Variants in SLC2A13 observed in about 807,000 individuals in gnomAD.
SLC2A13 encodes the protein solute carrier family 2 member 13.
SLC2A13 carries 32 observed loss-of-function variants against 64.4 expected under a neutral mutation model. That is an observed-to-expected ratio of 0.50 (90% CI 0.37 to 0.67). The LOEUF is 0.67. Among genes scored for constraint, SLC2A13 ranks in the 30% least tolerant of loss-of-function variants. SLC2A13 has a pLI of 0.00. For synonymous variants in SLC2A13, 338 were observed against 327.1 expected (o/e 1.03, Z -0.36); for missense variants, 743 against 829.2 (o/e 0.90, Z 1.28).
chr12:40,095,943 T>C (rs1182726910), intron 1 of SLC2A13, among the ~76,000 whole-genome samples: 1 of 152,056 alleles, frequency 6.6e-6, no homozygotes, highest in African/African-American at 2.4e-5. Context: ...TGTTTGTTTG[T>C]TTTTTTCTTG....
At chr12:40,045,819 T>C (rs1948162742) in intron 2 of SLC2A13, among the ~76,000 whole-genome samples, 1 of 152,226 alleles carries the variant, frequency 6.6e-6, no homozygotes, top group Non-Finnish European at 1.5e-5. Flanking sequence ...TGGGATTCCA[T>C]GGTTACTTGG....
intron 3 of SLC2A13, among the ~76,000 whole-genome samples, chr12:39,971,499 C>T (rs1192714646): frequency 6.6e-6 from 1 of 152,136 alleles, no homozygotes; most frequent in Non-Finnish European, 1.5e-5. Flanking sequence ...TCCATCATTT[C>T]AGAATCAGCC....
chr12:39,996,689 G>A (rs1947237358), intron 3 of SLC2A13, among the ~76,000 whole-genome samples: 1 of 152,212 alleles, frequency 6.6e-6, no homozygotes, highest in South Asian at 2.1e-4. Flanking sequence ...TCGGGCCGTG[G>A]CTTCAGAGGG....
chr12:39,916,163 T>A (rs1006561445), intron 4 of SLC2A13, among the ~76,000 whole-genome samples: 1 of 151,840 alleles, frequency 6.6e-6, no homozygotes, highest in African/African-American at 2.4e-5. Flanking sequence ...TTATTAATAA[T>A]TTTAGATGTT....
Position 40,105,320 on chromosome 12 carries a change from C to A in SLC2A13, c.489G>T (p.Ala163=). Residue 163 remains alanine, a synonymous_variant, in exon 1 of 10, where the codon GCG becomes GCT. Coordinates refer to ENST00000280871, the MANE Select transcript of SLC2A13 (RefSeq NM_052885.4). This position sits in a 1 kb window ranked among gnomAD's most constrained non-coding sequence, Gnocchi z 4.2. The part of the protein sequence containing the change: ...LASALFTAGS[A]VLAAANNKET... ...CCTTGTTGTTGGCCGCAGCCAGCAC[C>A]GCGGAGCCGGCGGTGAAGAGGGCAC... 6.2e-7 allele frequency: 1 copy of A among 1,600,208 alleles called. No individual in the cohort carries two copies. The highest frequency in any genetic ancestry group is 1.1e-5 in the South Asian group (1 of 89,432).
intron 4 of SLC2A13, among the ~76,000 whole-genome samples, chr12:39,907,422 A>C (rs889606717): frequency 1.3e-5 from 2 of 152,144 alleles, no homozygotes; most frequent in African/African-American, 4.8e-5. Context: ...GACTCCAAAA[A>C]TCTTTTTGTG....
Position 40,105,057 on chromosome 12 carries a change from C to G in SLC2A13, c.556+196G>C, listed in dbSNP as rs557502211. ...GAGACTAGAGTGACACCCCCTCCCC[C>G]CCGACCCTCCCACCTCCCGGGAGAG... On this transcript the variant is annotated intron_variant, in intron 1 of 9. Transcript: ENST00000280871. The surrounding 1 kb of genome is among the most constrained non-coding windows in gnomAD (Gnocchi z 4.2). Among the ~76,000 whole-genome samples the G allele has an allele frequency of 5.7e-4, 87 of 152,284 alleles. No individual in the cohort carries two copies. The highest frequency in any genetic ancestry group is 2.0e-3 in the African/African-American group (84 of 41,566).
chr12:39,995,084 T>C (rs748503213), intron 3 of SLC2A13, among the ~76,000 whole-genome samples: 5 of 152,210 alleles, frequency 3.3e-5, no homozygotes, highest in African/African-American at 4.8e-5. Context: ...TGAGAAAGCA[T>C]GATGCTTTAA....
chr12:39,986,663 A>G (rs1947036978), intron 3 of SLC2A13, among the ~76,000 whole-genome samples: 2 of 145,782 alleles, frequency 1.4e-5, no homozygotes, highest in Admixed American at 1.4e-4. Flanking sequence ...TAAGCAGACC[A>G]AAAAAAAAAA....
At chr12:39,794,908 C>G (rs1358630635) in intron 7 of SLC2A13, among the ~76,000 whole-genome samples, 1 of 152,120 alleles carries the variant, frequency 6.6e-6, no homozygotes, top group Admixed American at 6.6e-5. Context: ...TCTAATTGCT[C>G]TTGCCTTGAA....
chr12:40,055,385 C>A (rs1007609714), intron 1 of SLC2A13, among the ~76,000 whole-genome samples: 1 of 152,166 alleles, frequency 6.6e-6, no homozygotes, highest in African/African-American at 2.4e-5. Flanking sequence ...AAAATGACCA[C>A]TTCTGTTAGA....
chr12:39,889,753 ATT>A (rs1944557421), intron 4 of SLC2A13, among the ~76,000 whole-genome samples: 1 of 151,838 alleles, frequency 6.6e-6, no homozygotes, highest in African/African-American at 2.4e-5. Flanking sequence ...GATGGTCTTG[ATT>A]TCTTGACCTC....
intron 7 of SLC2A13, among the ~76,000 whole-genome samples, chr12:39,821,010 A>C (rs1942490234): frequency 6.6e-6 from 1 of 152,000 alleles, no homozygotes; most frequent in South Asian, 2.1e-4. Flanking sequence ...TTCCTACTGC[A>C]CTGCTCCCCA....
chr12:39,943,602 C>T (rs190265836), intron 4 of SLC2A13, among the ~76,000 whole-genome samples: 10 of 152,278 alleles, frequency 6.6e-5, no homozygotes, highest in South Asian at 4.1e-4. Context: ...GACGCCCCTC[C>T]GCCCAGCAAG....
chr12:40,002,999 G>C (rs192996432), intron 3 of SLC2A13, among the ~76,000 whole-genome samples: 2 of 152,284 alleles, frequency 1.3e-5, no homozygotes, highest in African/African-American at 4.8e-5. Context: ...GAGCCCTCAC[G>C]CTAGGCGTAT....
At chr12:39,944,050 A>T (rs1382052756) in intron 4 of SLC2A13, among the ~76,000 whole-genome samples, 2 of 152,192 alleles carry the variant, frequency 1.3e-5, no homozygotes, top group Non-Finnish European at 2.9e-5. Context: ...TTGTGTCATT[A>T]TCATTCAGTT....
intron 4 of SLC2A13, among the ~76,000 whole-genome samples, chr12:39,913,482 C>A (rs1945464438): frequency 6.7e-6 from 1 of 148,624 alleles, no homozygotes. Context: ...CAAATTTAGT[C>A]ATCAAAAGAC....
At chr12:40,000,815 A>T (rs1010438012) in intron 3 of SLC2A13, among the ~76,000 whole-genome samples, 1 of 152,216 alleles carries the variant, frequency 6.6e-6, no homozygotes, top group Non-Finnish European at 1.5e-5. Flanking sequence ...ATGTAGTCAC[A>T]TTATAAGGAA....
intron 7 of SLC2A13, among the ~76,000 whole-genome samples, chr12:39,801,678 A>G (rs1442234187): frequency 6.6e-6 from 1 of 152,224 alleles, no homozygotes; most frequent in Non-Finnish European, 1.5e-5. Flanking sequence ...TCTGCCACTT[A>G]ACTGGTTTTC....
Sources: allele counts gnomAD v4.1 joint callset (sites outside exome capture counted in the v4.1 genomes callset), GRCh38; gene constraint gnomAD v4.1.1; non-coding constraint Gnocchi (gnomAD v3.1); transcripts MANE v1.5; gene names NCBI Gene and HGNC (gene_info 2026-07-23, HGNC 2026-07-21).